The following ENOX1 variants were observed in gnomAD, a reference collection of about 807,000 sequenced individuals.
The protein encoded by ENOX1 is ecto-NOX disulfide-thiol exchanger 1, also known as candidate growth-related and time keeping constitutive hydroquinone (NADH) oxidase.
In ENOX1, 42 loss-of-function variants were observed where a neutral mutation model predicts 82.5. That is an observed-to-expected ratio of 0.51 (90% CI 0.40 to 0.66). The LOEUF (loss-of-function observed/expected upper bound fraction) is 0.66. ENOX1 is among the 30% of genes least tolerant of loss of function. The pLI, the probability that ENOX1 is intolerant of heterozygous loss-of-function variation, is 0.00. For missense variants in ENOX1, 608 were observed against 811.6 expected (o/e 0.75, Z 3.05); for synonymous variants, 271 against 282.2 (o/e 0.96, Z 0.40).
At chr13:43,491,603 A>G (rs1566367220) in intron 2 of ENOX1, among the ~76,000 whole-genome samples, 1 of 152,102 alleles carries the variant, frequency 6.6e-6, no homozygotes, top group African/African-American at 2.4e-5. Flanking sequence ...CCCTGTCTCT[A>G]CTAAAAGTAC....
intron 15 of ENOX1, among the ~76,000 whole-genome samples, chr13:43,228,678 T>C (rs147698044): frequency 2.6e-4 from 40 of 152,338 alleles, no homozygotes; most frequent in African/African-American, 9.4e-4. Flanking sequence ...AGATTTGTAC[T>C]GCTTCATCAC....
intron 11 of ENOX1, among the ~76,000 whole-genome samples, chr13:43,305,752 A>C (rs937080307): frequency 1.6e-4 from 24 of 152,212 alleles, no homozygotes; most frequent in African/African-American, 5.8e-4. Flanking sequence ...TCAGAGGAAA[A>C]TAAGCAAAGG....
chr13:43,557,132 A>C (rs1332754147), intron 2 of ENOX1, among the ~76,000 whole-genome samples: 1 of 152,248 alleles, frequency 6.6e-6, no homozygotes, highest in Non-Finnish European at 1.5e-5. Context: ...GCTGGACTGC[A>C]TATCTTAAGG....
At chr13:43,298,246 C>G in intron 12 of ENOX1, 100 bp downstream of exon 12, 1 of 1,254,056 alleles carries the variant, frequency 8.0e-7, no homozygotes, top group Non-Finnish European at 1.1e-6. Flanking sequence ...GTTGTCATTT[C>G]TTCTCCTTCA....
chr13:43,723,615 C>T (rs2088722635), intron 1 of ENOX1, among the ~76,000 whole-genome samples: 2 of 152,240 alleles, frequency 1.3e-5, no homozygotes, highest in Non-Finnish European at 1.5e-5. Context: ...CAGACTTTTG[C>T]CAATGCCAAG....
At chr13:43,622,794 G>C (rs1357039401) in intron 2 of ENOX1, among the ~76,000 whole-genome samples, 2 of 152,090 alleles carry the variant, frequency 1.3e-5, no homozygotes, top group Non-Finnish European at 2.9e-5. Context: ...GGAAGGAATG[G>C]GTGGTGGGGT....
rs143304232 is a variant in ENOX1 at position 43,719,965 on chromosome 13, G to T, written c.-284-52421C>A. 4.5e-3 allele frequency among the ~76,000 whole-genome samples: 678 copies of T among 152,158 alleles called. 10 individuals are homozygous for T. Among genetic ancestry groups the T allele is most frequent in the South Asian group, 0.026 (126 of 4,822 alleles). On this transcript the variant is annotated intron_variant, in intron 1 of 16. Transcript: ENST00000690772. ...ATGTAAAGAAAATAACCTACAGCAG[G>T]TTCACCTAATCCTCTCTTCAAGCAG...
chr13:43,222,617 G>T (rs943134962), intron 16 of ENOX1, among the ~76,000 whole-genome samples: 2 of 152,214 alleles, frequency 1.3e-5, no homozygotes, highest in African/African-American at 4.8e-5. Flanking sequence ...ACAAGGGAAG[G>T]ATGGTAGCAA....
rs1362626649 is a variant in ENOX1 at position 43,475,838 on chromosome 13, T to G, written c.-75+8171A>C. Reference sequence around the variant, plus strand: ...AAAGAAAGGCTTTAATCTCTTAGAATAGCAAAACAGAATTTGAGAAGAGCC... The same window carrying G: ...AAAGAAAGGCTTTAATCTCTTAGAAGAGCAAAACAGAATTTGAGAAGAGCC... On this transcript the variant is annotated intron_variant, in intron 3 of 16. Transcript: ENST00000690772. Among the ~76,000 whole-genome samples the G allele has an allele frequency of 6.7e-5, 8 of 119,528 alleles. No individual in the cohort carries two copies. The East Asian group carries it at 2.1e-3, about 31-fold the overall frequency. 78.4% of individuals were successfully genotyped at this position (119,528 alleles called of 152,430 possible).
Position 43,786,557 on chromosome 13 carries a change from G to A in ENOX1, c.-285+95C>T, listed in dbSNP as rs1321102134. On this transcript the variant is annotated intron_variant, in intron 1 of 16. Coordinates refer to ENST00000690772, the MANE Select transcript of ENOX1 (RefSeq NM_001347969.2). This position sits in a 1 kb window ranked among gnomAD's most constrained non-coding sequence, Gnocchi z 6.0. ...TCCCCCCTCGCCCACTCCCCTCTCA[G>A]TCTAGATCCAGGTGCCGTGGCGGGG... The A allele has an allele frequency of 6.6e-6, 1 of 152,326 alleles. No homozygotes were observed. Among genetic ancestry groups the A allele is most frequent in the Non-Finnish European group, 1.5e-5 (1 of 68,258 alleles). The allele number at this position is 152,326 out of a possible 1,614,324, so 9.4% of individuals were successfully genotyped here.
chr13:43,267,495 T>C (rs1168542285), intron 13 of ENOX1, among the ~76,000 whole-genome samples: 3 of 152,244 alleles, frequency 2.0e-5, no homozygotes, highest in African/African-American at 7.2e-5. Flanking sequence ...ATCCTGTGAA[T>C]AGCAACATTC....
intron 12 of ENOX1, among the ~76,000 whole-genome samples, chr13:43,284,066 G>A (rs141890026): frequency 1.2e-3 from 180 of 152,132 alleles, no homozygotes; most frequent in African/African-American, 4.1e-3. Flanking sequence ...GTTGAGATTT[G>A]CTTTAAGGCC....
chr13:43,281,597 G>A (rs2045388828), intron 12 of ENOX1, among the ~76,000 whole-genome samples: 2 of 151,398 alleles, frequency 1.3e-5, no homozygotes, highest in Non-Finnish European at 3.0e-5. Flanking sequence ...CTCTCAGTTG[G>A]CAATTGCATA....
chr13:43,728,068 C>T (rs2089099693), intron 1 of ENOX1, among the ~76,000 whole-genome samples: 1 of 152,178 alleles, frequency 6.6e-6, no homozygotes, highest in Non-Finnish European at 1.5e-5. Context: ...TTTTATAAAT[C>T]CAATTTCCCT....
chr13:43,433,024 A>G (rs927466759), intron 3 of ENOX1, among the ~76,000 whole-genome samples: 3 of 152,098 alleles, frequency 2.0e-5, no homozygotes, highest in African/African-American at 4.8e-5. Flanking sequence ...GAGACCATGC[A>G]TGTCTGAGGT....
At chr13:43,417,001 G>A (rs2054634191) in intron 3 of ENOX1, among the ~76,000 whole-genome samples, 1 of 152,210 alleles carries the variant, frequency 6.6e-6, no homozygotes. Flanking sequence ...TCGAGGTCAA[G>A]AGCTGGAGAC....
At chr13:43,675,333 C>T (rs1433361648) in intron 1 of ENOX1, among the ~76,000 whole-genome samples, 1 of 152,092 alleles carries the variant, frequency 6.6e-6, no homozygotes, top group Non-Finnish European at 1.5e-5. Context: ...AGAGGAGAGA[C>T]CATGCACTGA....
chr13:43,538,138 G>GGT (rs1383036449), intron 2 of ENOX1, among the ~76,000 whole-genome samples: 1 of 152,186 alleles, frequency 6.6e-6, no homozygotes, highest in South Asian at 2.1e-4. Context: ...CCTCCTGCCA[G>GGT]GTGTGTGCAC....
intron 8 of ENOX1, among the ~76,000 whole-genome samples, chr13:43,350,696 C>T (rs1449730715): frequency 6.6e-5 from 10 of 152,176 alleles, no homozygotes; most frequent in Admixed American, 1.3e-4. Flanking sequence ...CCACCCATCT[C>T]GGCCTCCCAA....
Sources: allele counts gnomAD v4.1 joint callset (sites outside exome capture counted in the v4.1 genomes callset), GRCh38; gene constraint gnomAD v4.1.1; non-coding constraint Gnocchi (gnomAD v3.1); transcripts MANE v1.5; gene names NCBI Gene and HGNC (gene_info 2026-07-23, HGNC 2026-07-21).